The following DOK5 variants were observed in gnomAD, a reference collection of about 807,000 sequenced individuals.
DOK5 encodes the protein downstream of tyrosine kinase 5.
A neutral mutation model predicts 43.3 loss-of-function variants in DOK5; 27 were observed. That is an observed-to-expected ratio of 0.62 (90% confidence interval 0.46 to 0.86). The LOEUF is 0.86. Among genes scored for constraint, DOK5 ranks in the 40% least tolerant of loss-of-function variants. DOK5 has a pLI of 0.00. For missense variants in DOK5, 373 were observed against 392.9 expected, an observed-to-expected ratio of 0.95 and a Z score of 0.43; for synonymous variants, 146 against 140.1, an observed-to-expected ratio of 1.04 and a Z score of -0.30.
chr20:54,648,911 C>T (rs189085376), intron 7 of DOK5, among the ~76,000 whole-genome samples: 6 of 152,266 alleles, frequency 3.9e-5, no homozygotes, highest in Non-Finnish European at 8.8e-5. Context: ...CAATCTTTAC[C>T]CTTAGGCCAA....
At chr20:54,592,521 G>C (rs1425375405) in intron 5 of DOK5, among the ~76,000 whole-genome samples, 1 of 151,098 alleles carries the variant, frequency 6.6e-6, no homozygotes, top group East Asian at 1.9e-4. Context: ...TTTAGGCTTC[G>C]TTTGGGAACA....
chr20:54,642,946 C>T (rs1274286256), intron 6 of DOK5, among the ~76,000 whole-genome samples: 1 of 152,206 alleles, frequency 6.6e-6, no homozygotes, highest in African/African-American at 2.4e-5. Flanking sequence ...CCAGTCCCAT[C>T]TCCAGCCTCT....
rs74503726 is a variant in DOK5, at chr20:54,581,864, A to C, written c.175-6619A>C. 6.6e-4 allele frequency among the ~76,000 whole-genome samples: 101 copies of C among 152,014 alleles called. No individual in the cohort carries two copies. In the East Asian group the frequency reaches 0.011, roughly 17 times the overall value. ...GGAGATAATTTTACTTCTTCTCTTCAGATATTGATGCCTTTTACTTCTCTT... is the reference window on the plus strand; with the variant it reads ...GGAGATAATTTTACTTCTTCTCTTCCGATATTGATGCCTTTTACTTCTCTT... On this transcript the variant is annotated intron_variant, in intron 2 of 7. Transcript: ENST00000262593.
chr20:54,541,132 T>A, intron 1 of DOK5, among the ~76,000 whole-genome samples: 1 of 152,212 alleles, frequency 6.6e-6, no homozygotes, highest in East Asian at 1.9e-4. Context: ...CATTTTGGAA[T>A]CATCCTAGAC....
At chr20:54,497,739 G>A (rs1982454717) in intron 1 of DOK5, among the ~76,000 whole-genome samples, 1 of 152,150 alleles carries the variant, frequency 6.6e-6, no homozygotes, top group Admixed American at 6.6e-5. Context: ...CTATGATAAA[G>A]GAACTGTGTT....
chr20:54,548,588 A>G (rs972214921), intron 1 of DOK5, among the ~76,000 whole-genome samples: 5 of 152,200 alleles, frequency 3.3e-5, no homozygotes, highest in Non-Finnish European at 5.9e-5. Flanking sequence ...CGAATAAAAG[A>G]TTTCTCTTTT....
intron 1 of DOK5, among the ~76,000 whole-genome samples, chr20:54,480,039 C>A (rs1405739315): frequency 6.6e-6 from 1 of 152,070 alleles, no homozygotes; most frequent in African/African-American, 2.4e-5. Flanking sequence ...TTGCAACAGT[C>A]TTCTCATTTG....
At chr20:54,558,031 T>C (rs1984772207) in intron 2 of DOK5, among the ~76,000 whole-genome samples, 2 of 152,234 alleles carry the variant, frequency 1.3e-5, no homozygotes, top group African/African-American at 4.8e-5. Flanking sequence ...AAGCAAGAAA[T>C]GTTATCAGTA....
chr20:54,557,355 G>A (rs532229597), intron 2 of DOK5, among the ~76,000 whole-genome samples: 4 of 152,204 alleles, frequency 2.6e-5, no homozygotes, highest in African/African-American at 9.6e-5. Context: ...TAAGGAGCAG[G>A]CAACCTAGAT....
intron 1 of DOK5, among the ~76,000 whole-genome samples, chr20:54,481,281 T>G (rs111918307): frequency 0.11 from 17,286 of 152,092 alleles, 1,133 homozygotes; most frequent in African/African-American, 0.17. Flanking sequence ...GCAATTCTCC[T>G]GTCTCAGCCT....
chr20:54,599,043 G>T (rs965256897), intron 5 of DOK5, among the ~76,000 whole-genome samples: 36 of 152,158 alleles, frequency 2.4e-4, no homozygotes, highest in African/African-American at 7.7e-4. Context: ...AAATATATGT[G>T]TATTTGCATA....
At chr20:54,524,952 A>G (rs1307313498) in intron 1 of DOK5, among the ~76,000 whole-genome samples, 1 of 152,232 alleles carries the variant, frequency 6.6e-6, no homozygotes, top group Non-Finnish European at 1.5e-5. Flanking sequence ...GTTTTCAGCC[A>G]GAGGACAGCC....
At chr20:54,629,293 T>C (rs755601790) in intron 6 of DOK5, among the ~76,000 whole-genome samples, 8 of 152,218 alleles carry the variant, frequency 5.3e-5, no homozygotes, top group Non-Finnish European at 1.2e-4. Context: ...TTGAAACCGG[T>C]GAATAGAATA....
chr20:54,631,401 T>C (rs1221385820), intron 6 of DOK5, among the ~76,000 whole-genome samples: 1 of 145,972 alleles, frequency 6.9e-6, no homozygotes, highest in Non-Finnish European at 1.5e-5. Context: ...GGCAACAAAG[T>C]GAGACCCTGT....
chr20:54,506,564 G>A (rs917986854), intron 1 of DOK5, among the ~76,000 whole-genome samples: 18 of 152,146 alleles, frequency 1.2e-4, no homozygotes, highest in African/African-American at 7.2e-5. Flanking sequence ...GGGTTCTAGC[G>A]ATCTCCCACG....
At chr20:54,518,704 A>T (rs564669305) in intron 1 of DOK5, among the ~76,000 whole-genome samples, 6 of 152,328 alleles carry the variant, frequency 3.9e-5, no homozygotes, top group Non-Finnish European at 5.9e-5. Flanking sequence ...CGCCACACTG[A>T]CTTCCACAAT....
At chr20:54,591,383 T>C (rs548602287) in intron 4 of DOK5, among the ~76,000 whole-genome samples, 15 of 152,256 alleles carry the variant, frequency 9.9e-5, no homozygotes, top group Non-Finnish European at 1.8e-4. Flanking sequence ...CTCATGTAAA[T>C]AGTGCTTAGT....
At chr20:54,498,909 T>C (rs1982494881) in intron 1 of DOK5, among the ~76,000 whole-genome samples, 1 of 152,226 alleles carries the variant, frequency 6.6e-6, no homozygotes, top group Non-Finnish European at 1.5e-5. Context: ...ATGGAAATAT[T>C]GACAGATATG....
intron 1 of DOK5, among the ~76,000 whole-genome samples, chr20:54,477,061 G>C (rs1484254623): frequency 6.6e-6 from 1 of 151,624 alleles, no homozygotes; most frequent in African/African-American, 2.4e-5. Context: ...GCGGGGGCGG[G>C]GGGAGAAAAT....
Sources: allele counts gnomAD v4.1 joint callset (sites outside exome capture counted in the v4.1 genomes callset), GRCh38; gene constraint gnomAD v4.1.1; transcripts MANE v1.5; gene names NCBI Gene and HGNC (gene_info 2026-07-23, HGNC 2026-07-21).